Variants in GLRA2 observed in about 807,000 individuals in gnomAD.
GLRA2 encodes glycine receptor subunit alpha-2.
Under a neutral mutation model 31.6 loss-of-function variants are expected in GLRA2, and 11 were observed. The ratio of observed to expected loss-of-function variants is 0.35; its 90% CI spans 0.22 to 0.58. The LOEUF (loss-of-function observed/expected upper bound fraction) is 0.58, where lower values mean the gene tolerates loss of function less well. Ranked by LOEUF, GLRA2 falls within the 20% of genes least tolerant of loss-of-function variation. GLRA2 has a pLI of 0.84. For synonymous variants in GLRA2, 132 were observed against 134.0 expected, an observed-to-expected ratio of 0.99 and a Z score of 0.10; for missense variants, 212 against 351.8, an observed-to-expected ratio of 0.60 and a Z score of 3.18.
At chrX:14,658,524 C>T (rs1476225564) in intron 7 of GLRA2, among the ~76,000 whole-genome samples, 1 of 111,704 alleles carries the variant, frequency 9.0e-6, no homozygotes, top group Non-Finnish European at 1.9e-5. Flanking sequence ...CTTCCAAACT[C>T]TAAAAATCTT....
chrX:14,527,285 C>T (rs1457049284), upstream of GLRA2, among the ~76,000 whole-genome samples: 2 of 111,700 alleles, frequency 1.8e-5, no homozygotes, highest in Admixed American at 9.5e-5. Context: ...GATTTCCTTA[C>T]TCATCCTATT....
chrX:14,458,049 GTGTGA>G, the GLRA2 span, among the ~76,000 whole-genome samples: 2 of 108,930 alleles, frequency 1.8e-5, no homozygotes, highest in African/African-American at 6.7e-5. Context: ...AGGCCCCGGT[GTGTGA>G]TGTTCCCCAC....
intron 8 of GLRA2, among the ~76,000 whole-genome samples, chrX:14,716,054 T>A (rs1233996904): frequency 1.8e-5 from 2 of 111,515 alleles, no homozygotes; most frequent in African/African-American, 6.5e-5. Context: ...TGTGACTGTA[T>A]AGTATGCATA....
chrX:14,626,113 T>C (rs2090586248), intron 7 of GLRA2, among the ~76,000 whole-genome samples: 1 of 112,288 alleles, frequency 8.9e-6, no homozygotes, highest in South Asian at 3.6e-4. Context: ...TCTCATGACA[T>C]CCATATGAGG....
intron 2 of GLRA2, among the ~76,000 whole-genome samples, chrX:14,535,124 T>C (rs77115644): frequency 2.4e-4 from 27 of 111,616 alleles, no homozygotes; most frequent in Non-Finnish European, 4.7e-4. Flanking sequence ...GTTAAGAAGA[T>C]AGAAGGGCAA....
intron 2 of GLRA2, among the ~76,000 whole-genome samples, chrX:14,539,268 T>C (rs1011331549): frequency 1.8e-5 from 2 of 111,299 alleles, no homozygotes; most frequent in Non-Finnish European, 3.8e-5. Flanking sequence ...GTCTTAAAAA[T>C]GTAACTATGT....
rs925382244 is a variant in GLRA2 at position 14,731,139 on chromosome X, G to A, written c.*654G>A. ...GTCGTAAATTATTTCTACTTATCCAGTAAATAACAATGACAAAATAAACAC... is the reference window on the plus strand; with the variant it reads ...GTCGTAAATTATTTCTACTTATCCAATAAATAACAATGACAAAATAAACAC... On this transcript the variant is annotated 3_prime_UTR_variant, in exon 9 of 9. Transcript: ENST00000218075. 3 of 111,711 alleles carry A rather than the reference G, an allele frequency of 2.7e-5. No individual in the cohort carries two copies. The highest frequency in any genetic ancestry group is 9.8e-5 in the African/African-American group (3 of 30,598). The allele number at this position is 111,711 out of a possible 1,213,427, so 9.2% of individuals were successfully genotyped here.
At chrX:14,690,943 A>G (rs1339700938) in intron 8 of GLRA2, 84 bp downstream of exon 8, 2 of 993,003 alleles carry the variant, frequency 2.0e-6, no homozygotes, top group South Asian at 2.1e-5. Context: ...AGAGCACACA[A>G]TAAGCAAGAA....
At chrX:14,699,783 C>A (rs1465867121) in intron 8 of GLRA2, among the ~76,000 whole-genome samples, 3 of 111,562 alleles carry the variant, frequency 2.7e-5, no homozygotes, top group Non-Finnish European at 5.6e-5. Flanking sequence ...CCCATGAGAT[C>A]AAATTTTTTA....
the GLRA2 span, among the ~76,000 whole-genome samples, chrX:14,503,075 A>G: frequency 9.0e-6 from 1 of 110,964 alleles, no homozygotes; most frequent in Non-Finnish European, 1.9e-5. Flanking sequence ...TGCTGCTACT[A>G]TTGATTTTGG....
intron 7 of GLRA2, among the ~76,000 whole-genome samples, chrX:14,687,506 T>TTTACTC (rs2091292562): frequency 8.9e-6 from 1 of 111,813 alleles, no homozygotes; most frequent in Admixed American, 9.5e-5. Flanking sequence ...TTCATTTCTT[T>TTTACTC]TTACTCTTTT....
At chrX:14,715,123 T>G (rs2091767100) in intron 8 of GLRA2, among the ~76,000 whole-genome samples, 1 of 112,579 alleles carries the variant, frequency 8.9e-6, no homozygotes, top group South Asian at 3.6e-4. Flanking sequence ...TTTGTTTTCC[T>G]TGCAAATAAG....
the GLRA2 span, among the ~76,000 whole-genome samples, chrX:14,457,016 C>CA: frequency 8.9e-6 from 1 of 111,806 alleles, no homozygotes; most frequent in Non-Finnish European, 1.9e-5. Context: ...TCCTCACCAA[C>CA]ATTTGTTATT....
rs778812170 is a variant in GLRA2 at position 14,678,911 on chromosome X, G to A, written c.931-11799G>A. Among the ~76,000 whole-genome samples, 15 of 111,171 alleles carry A rather than the reference G, an allele frequency of 1.3e-4. No individual in the cohort carries two copies. The South Asian group carries it at 1.5e-3, about 11-fold the overall frequency. ...TCTTACGGCACTGCCATCTTAAACCGGTGACATCTAAGGTGGCTGCAGAAG... is the reference window on the plus strand; with the variant it reads ...TCTTACGGCACTGCCATCTTAAACCAGTGACATCTAAGGTGGCTGCAGAAG... On this transcript the variant is annotated intron_variant, in intron 7 of 8. Transcript: ENST00000218075.
intron 8 of GLRA2, among the ~76,000 whole-genome samples, chrX:14,707,779 C>T (rs758352915): frequency 1.5e-4 from 15 of 99,625 alleles, no homozygotes; most frequent in South Asian, 4.1e-4. Flanking sequence ...TGTGTGCACG[C>T]GCGCGTGTTG....
chrX:14,625,179 T>A (rs765304434), intron 7 of GLRA2, among the ~76,000 whole-genome samples: 1 of 111,490 alleles, frequency 9.0e-6, no homozygotes, highest in African/African-American at 3.3e-5. Context: ...CCCCTGCTTT[T>A]TTTTGTTTTC....
chrX:14,593,567 G>A (rs1325737814), intron 4 of GLRA2, among the ~76,000 whole-genome samples: 1 of 112,300 alleles, frequency 8.9e-6, no homozygotes, highest in African/African-American at 3.2e-5. Context: ...ATTCTATTGG[G>A]GTGGGACAAA....
At chrX:14,627,432 A>G (rs746633999) in intron 7 of GLRA2, among the ~76,000 whole-genome samples, 2 of 111,602 alleles carry the variant, frequency 1.8e-5, no homozygotes, top group Non-Finnish European at 3.8e-5. Context: ...CTTTTTCACT[A>G]TGCTGCTCTC....
chrX:14,643,790 C>T (rs1380143218), intron 7 of GLRA2, among the ~76,000 whole-genome samples: 2 of 112,059 alleles, frequency 1.8e-5, no homozygotes, highest in African/African-American at 6.5e-5. Context: ...AACATGTTGA[C>T]ATTACATGTC....
Sources: gnomAD v4.1 joint callset for allele counts (sites outside exome capture counted in the v4.1 genomes callset) on GRCh38, gnomAD v4.1.1 for gene constraint, MANE v1.5 for transcripts, NCBI Gene and HGNC (gene_info 2026-07-23, HGNC 2026-07-21) for gene names.